Variants in RAB34 observed in about 807,000 individuals in gnomAD.
RAB34 encodes the protein RAB34, member RAS oncogene family.
RAB34 carries 33 observed loss-of-function variants against 39.0 expected under a neutral mutation model. The observed-to-expected ratio is 0.85, with a 90% CI of 0.64 to 1.13. The LOEUF (loss-of-function observed/expected upper bound fraction) is 1.13, where lower values mean the gene tolerates loss of function less well. RAB34 is among the 50% of genes most tolerant of loss of function. RAB34 has a pLI of 0.00. For synonymous variants in RAB34, 135 were observed against 125.1 expected, an observed-to-expected ratio of 1.08 and a Z score of -0.53; for missense variants, 289 against 326.1, an observed-to-expected ratio of 0.89 and a Z score of 0.88.
chr17:28,717,178 T>A (rs1466424413), intron 1 of RAB34, 35 bp downstream of exon 1: 1 of 1,581,984 alleles, frequency 6.3e-7, no homozygotes, highest in Admixed American at 1.7e-5. Flanking sequence ...CACCCCGGGC[T>A]GTAGACTGAA....
upstream of RAB34, chr17:28,718,278 C>G: frequency 6.5e-7 from 1 of 1,536,342 alleles, no homozygotes; most frequent in Non-Finnish European, 8.8e-7. Flanking sequence ...AGAGTCTGCC[C>G]CCTCTCGCCC....
At chr17:28,715,396 C>T in intron 6 of RAB34, 60 bp downstream of exon 6, 3 of 1,606,818 alleles carry the variant, frequency 1.9e-6, no homozygotes, top group Non-Finnish European at 2.6e-6. Flanking sequence ...CCTGACCACC[C>T]CTCTGTTCTG....
chr17:28,717,857 C>A lies in RAB34; in HGVS notation c.-591G>T, dbSNP rs956641432. On this transcript the variant is annotated 5_prime_UTR_variant, in exon 1 of 10. Coordinates refer to ENST00000395245, the MANE Select transcript of RAB34 (RefSeq NM_031934.6). The stretch of plus-strand genomic sequence containing the variant: ...CTCGAGTCCCACTCCGCTCGGGCTC[C>A]GCCAACGCTGTAACACGATCCCCGG... The A allele has an allele frequency of 3.0e-6, 4 of 1,350,862 alleles. No homozygotes were observed. Among genetic ancestry groups the A allele is most frequent in the Non-Finnish European group, 9.4e-7 (1 of 1,059,290 alleles). 83.7% of individuals were successfully genotyped at this position (1,350,862 alleles called of 1,614,324 possible). A position where few individuals can be genotyped will look rare whatever the true frequency, so the allele number is the denominator to read the frequency against.
chr17:28,714,886 C>A lies in RAB34; in HGVS notation c.619G>T (p.Glu207Ter), dbSNP rs1023011912. ...AGTGCTGCCACACGGAAGAAGAATT[C>A]TCGGACATTCTCACCTGACACAGAG... is the stretch of plus-strand genomic sequence containing the variant. ...VSSLTGENVR[E>*]FFFRVAALTF... Residue 207 changes from glutamate (E) to a stop codon, truncating the protein, a stop_gained, in exon 9 of 10, where the codon GAA (glutamate) becomes TAA (stop). Coordinates refer to ENST00000395245, the MANE Select transcript of RAB34 (RefSeq NM_031934.6). LOFTEE classifies it high-confidence loss of function. 4 of 1,614,070 alleles carry A rather than the reference C, an allele frequency of 2.5e-6. No individual in the cohort carries two copies. The Admixed American group carries it at 5.0e-5, about 20-fold the overall frequency.
intron 1 of RAB34, 102 bp downstream of exon 1, chr17:28,717,111 G>T: frequency 6.5e-7 from 1 of 1,539,588 alleles, no homozygotes; most frequent in Non-Finnish European, 8.7e-7. Context: ...GGCCTAGCTG[G>T]GTGGCAGGGC....
Position 28,714,663 on chromosome 17 carries a change from T to G in RAB34, c.760A>C (p.Lys254Gln), listed in dbSNP as rs566631717. 6 of 1,614,116 alleles carry G rather than the reference T, an allele frequency of 3.7e-6. No individual in the cohort carries two copies. The South Asian group carries it at 4.4e-5, about 12-fold the overall frequency. ...AGCCCTCATGGGCAACATGTGGGCT[T>G]CTTCTTGCTGGCAGTTAGGTAGAGG... ...SNLYLTASKK[K>Q]PTCCP The change falls in exon 10 of 10, where the codon AAG becomes CAG. Residue 254 changes from lysine (K) to glutamine (Q), a missense_variant. Lys to Gln is a moderately conservative substitution (Grantham distance 53). Coordinates refer to ENST00000395245, the MANE Select transcript of RAB34 (RefSeq NM_031934.6).
At position 28,715,623 on chromosome 17, in the gene RAB34, C is replaced by T; in HGVS notation, c.379+18G>A. 6.2e-7 allele frequency: 1 copy of T among 1,614,146 alleles called. No homozygotes were observed. The highest frequency in any genetic ancestry group is 8.5e-7 in the Non-Finnish European group (1 of 1,180,036). On this transcript the variant is annotated intron_variant, in intron 5 of 9. Coordinates refer to ENST00000395245, the MANE Select transcript of RAB34 (RefSeq NM_031934.6). ...TGCACTCTGAGACCCACCTACCCCA[C>T]TTCACCCAGCCCCTTACCTTGAGCT...
chr17:28,716,290 G>T, intron 2 of RAB34: 1 of 568,568 alleles, frequency 1.8e-6, no homozygotes, highest in Non-Finnish European at 3.1e-6. Context: ...GATTAGCTGT[G>T]TGACTTTGGA....
At chr17:28,716,782 GA>G (rs1420895680) in intron 2 of RAB34, 120 bp downstream of exon 2, 8 of 1,172,132 alleles carry the variant, frequency 6.8e-6, no homozygotes, top group Non-Finnish European at 8.2e-6. Flanking sequence ...TAAAGAGGGG[GA>G]AATAACCATA....
intron 2 of RAB34, 27 bp from the exon 3 acceptor site, chr17:28,716,085 G>A (rs1296696691): frequency 1.9e-6 from 3 of 1,613,082 alleles, no homozygotes; most frequent in African/African-American, 2.7e-5. Flanking sequence ...TGGGCAAGGG[G>A]AGTGGGCACG....
chr17:28,717,734 C>T lies in RAB34; in HGVS notation c.-468G>A. 1 of 1,324,488 alleles carries T rather than the reference C, an allele frequency of 7.6e-7. No homozygotes were observed. The highest frequency in any genetic ancestry group is 9.6e-7 in the Non-Finnish European group (1 of 1,042,140). 82.0% of individuals were successfully genotyped at this position (1,324,488 alleles called of 1,614,324 possible). ...TACAGAGCGGCCCGGGGGCGCGGAGCGGCCCCGCCACACGGGGTCAGTGTG... is the reference window on the plus strand; with the variant it reads ...TACAGAGCGGCCCGGGGGCGCGGAGTGGCCCCGCCACACGGGGTCAGTGTG... On this transcript the variant is annotated 5_prime_UTR_variant, in exon 1 of 10. Coordinates refer to ENST00000395245, the MANE Select transcript of RAB34 (RefSeq NM_031934.6).
At chr17:28,718,275 G>T, upstream of RAB34, 1 of 1,536,392 alleles carries the variant, frequency 6.5e-7, no homozygotes, top group Non-Finnish European at 8.8e-7. Flanking sequence ...CATAGAGTCT[G>T]CCCCCTCTCG....
chr17:28,717,558 G>GA lies in RAB34; in HGVS notation c.-293dup. On this transcript the variant is annotated 5_prime_UTR_variant, in exon 1 of 10. An upstream open reading frame in the 5' UTR gains an earlier in-frame stop. Coordinates refer to ENST00000395245, the MANE Select transcript of RAB34 (RefSeq NM_031934.6). The stretch of plus-strand genomic sequence containing the variant: ...TCTTCGGCCGCCAATTGGGGGCGGG[G>GA]AGTCCCGTCTGGTGGGGGCCGGGCC... 3.5e-6 allele frequency: 5 copies of GA among 1,420,496 alleles called. No individual in the cohort carries two copies. Among genetic ancestry groups the GA allele is most frequent in the Non-Finnish European group, 4.6e-6 (5 of 1,090,816 alleles). 88.0% of individuals were successfully genotyped at this position (1,420,496 alleles called of 1,614,324 possible).
chr17:28,717,709 T>G lies in RAB34; in HGVS notation c.-443A>C. ...CTCGGGGCTGAGGCTGCCCTACCATTACAGAGCGGCCCGGGGGCGCGGAGC... is the reference window on the plus strand; with the variant it reads ...CTCGGGGCTGAGGCTGCCCTACCATGACAGAGCGGCCCGGGGGCGCGGAGC... On this transcript the variant is annotated 5_prime_UTR_variant, in exon 1 of 10. Transcript: ENST00000395245. The G allele has an allele frequency of 7.5e-7, 1 of 1,340,104 alleles. No individual in the cohort carries two copies. Among genetic ancestry groups the G allele is most frequent in the East Asian group, 3.0e-5 (1 of 32,894 alleles). 83.0% of individuals were successfully genotyped at this position (1,340,104 alleles called of 1,614,324 possible).
chr17:28,718,087 T>A (rs538175308), upstream of RAB34: 3 of 1,595,836 alleles, frequency 1.9e-6, no homozygotes, highest in South Asian at 2.2e-5. Flanking sequence ...CCCCTGCACC[T>A]CTATACCCGG....
intron 2 of RAB34, chr17:28,716,617 C>T (rs192849983): frequency 6.7e-4 from 237 of 353,594 alleles, no homozygotes; most frequent in African/African-American, 4.5e-3. Flanking sequence ...CCTGGGGCTC[C>T]ATGGATGCTA....
In RAB34 at chr17:28,717,531, ACT is replaced by A. The variant is rs2033726534; in HGVS notation, c.-267_-266del. On this transcript the variant is annotated 5_prime_UTR_variant, in exon 1 of 10. It introduces an in-frame stop codon into an upstream open reading frame of the 5' UTR. Coordinates refer to ENST00000395245, the MANE Select transcript of RAB34 (RefSeq NM_031934.6). ...CCGAAGATGACTCTGGGGCGAGGAG[ACT>A]CTTCGGCCGCCAATTGGGGGCGGGG... is the stretch of plus-strand genomic sequence containing the variant. 10 of 1,415,956 alleles carry A rather than the reference ACT, an allele frequency of 7.1e-6. No individual in the cohort carries two copies. Among genetic ancestry groups the A allele is most frequent in the Non-Finnish European group, 9.2e-6 (10 of 1,088,740 alleles). The allele number at this position is 1,415,956 out of a possible 1,614,324, so 87.7% of individuals were successfully genotyped here.
At chr17:28,716,667 C>T in intron 2 of RAB34, 2 of 444,164 alleles carry the variant, frequency 4.5e-6, no homozygotes, top group Non-Finnish European at 8.0e-6. Context: ...CCATTTCAGA[C>T]ACCTTAGTCT....
In RAB34 at chr17:28,717,310, C is replaced by A; in HGVS notation, c.-44G>T. ...GGGCGCCCTGAGAAGGCGCCGAGGC[C>A]GGATCCGCGTCAGCGACCCGGGCGC... On this transcript the variant is annotated 5_prime_UTR_variant, in exon 1 of 10. Coordinates refer to ENST00000395245, the MANE Select transcript of RAB34 (RefSeq NM_031934.6). The A allele has an allele frequency of 6.4e-7, 1 of 1,557,236 alleles. No homozygotes were observed. Among genetic ancestry groups the A allele is most frequent in the Non-Finnish European group, 8.7e-7 (1 of 1,155,522 alleles).
Sources: gnomAD v4.1 joint callset for allele counts on GRCh38, gnomAD v4.1.1 for gene constraint, MANE v1.5 for transcripts, NCBI Gene and HGNC (gene_info 2026-07-23, HGNC 2026-07-21) for gene names.